The following TSHR variants were observed in gnomAD, a reference collection of about 807,000 sequenced individuals.
TSHR encodes the protein thyroid stimulating hormone receptor.
A neutral mutation model predicts 64.1 loss-of-function variants in TSHR; 51 were observed. The ratio of observed to expected loss-of-function variants is 0.80; its 90% CI spans 0.64 to 1.01. The LOEUF (loss-of-function observed/expected upper bound fraction) is 1.01, where lower values mean the gene tolerates loss of function less well. Ranked by LOEUF, TSHR falls within the 50% of genes least tolerant of loss-of-function variation. The pLI, the probability that TSHR is intolerant of heterozygous loss-of-function variation, is 0.00. For missense variants in TSHR, 877 were observed against 942.8 expected, an observed-to-expected ratio of 0.93 and a Z score of 0.91; for synonymous variants, 361 against 361.9, an observed-to-expected ratio of 1.00 and a Z score of 0.03.
chr14:81,132,878 T>C (rs550020738), intron 8 of TSHR, among the ~76,000 whole-genome samples: 5 of 152,208 alleles, frequency 3.3e-5, no homozygotes, highest in African/African-American at 1.2e-4. Context: ...TACTACATGT[T>C]GACAGGTTTA....
intron 1 of TSHR, among the ~76,000 whole-genome samples, chr14:80,965,057 CA>C (rs1887228672): frequency 6.6e-6 from 1 of 152,206 alleles, no homozygotes; most frequent in Non-Finnish European, 1.5e-5. Flanking sequence ...TTCTAGTGAG[CA>C]AAGGCAGCCC....
chr14:81,024,772 C>T (rs1325992775), intron 1 of TSHR, among the ~76,000 whole-genome samples: 2 of 152,150 alleles, frequency 1.3e-5, no homozygotes, highest in African/African-American at 2.4e-5. Flanking sequence ...TGGTAAACAT[C>T]AAGCAGTTCA....
intron 1 of TSHR, among the ~76,000 whole-genome samples, chr14:81,023,347 C>T (rs1038026560): frequency 2.6e-5 from 4 of 152,162 alleles, no homozygotes; most frequent in African/African-American, 9.6e-5. Context: ...CCACTGAGTC[C>T]CTCCCACAGC....
intron 3 of TSHR, among the ~76,000 whole-genome samples, chr14:81,073,740 A>C (rs1004237655): frequency 3.9e-5 from 6 of 152,204 alleles, no homozygotes; most frequent in Admixed American, 3.3e-4. Context: ...GTTAAAAATA[A>C]ATCATTTATG....
intron 3 of TSHR, among the ~76,000 whole-genome samples, chr14:81,070,996 C>T (rs1263374740): frequency 6.6e-6 from 1 of 152,076 alleles, no homozygotes; most frequent in African/African-American, 2.4e-5. Flanking sequence ...TATAAATGAA[C>T]CTTGACTGCA....
At chr14:81,033,869 G>A (rs1381376072) in intron 1 of TSHR, among the ~76,000 whole-genome samples, 1 of 152,188 alleles carries the variant, frequency 6.6e-6, no homozygotes, top group African/African-American at 2.4e-5. Context: ...GGTAGACAAA[G>A]GAAGGAATTC....
At chr14:81,058,374 T>C (rs976863424) in intron 1 of TSHR, among the ~76,000 whole-genome samples, 21 of 152,250 alleles carry the variant, frequency 1.4e-4, no homozygotes, top group African/African-American at 5.1e-4. Flanking sequence ...ACTCAGCTTA[T>C]ATCTTTTCTC....
intron 1 of TSHR, chr14:81,049,933 CTG>C (rs1885348145): frequency 1.3e-5 from 2 of 152,180 alleles, no homozygotes; most frequent in Admixed American, 6.5e-5. Context: ...CCATGCAGAA[CTG>C]TGAGTCAATT....
At chr14:81,059,519 G>T (rs1032606191) in intron 1 of TSHR, among the ~76,000 whole-genome samples, 1 of 152,092 alleles carries the variant, frequency 6.6e-6, no homozygotes, top group African/African-American at 2.4e-5. Flanking sequence ...ACAACTAGTT[G>T]TCATTCTAAT....
chr14:81,088,393 GA>G lies in TSHR; in HGVS notation c.392+373del, dbSNP rs888366164. 5.9e-5 allele frequency among the ~76,000 whole-genome samples: 9 copies of G among 151,920 alleles called. No individual in the cohort carries two copies. The South Asian group carries it at 1.7e-3, about 28-fold the overall frequency. On this transcript the variant is annotated intron_variant, in intron 4 of 9. Transcript: ENST00000298171. ...TATTATTAGAGTGGCTGTTACACAG[GA>G]AAAAAAACCCACAAAGAGTAAAATA...
chr14:81,118,549 A>G (rs1267665431), intron 8 of TSHR, among the ~76,000 whole-genome samples: 2 of 151,296 alleles, frequency 1.3e-5, no homozygotes, highest in African/African-American at 4.9e-5. Flanking sequence ...ATGGAAGAAC[A>G]TTCCATGCTC....
chr14:81,070,810 G>A (rs112544737), intron 3 of TSHR, among the ~76,000 whole-genome samples: 4,078 of 151,946 alleles, frequency 0.027, 214 homozygotes, highest in African/African-American at 0.091. Flanking sequence ...TTTAAAATTA[G>A]AAAAAGATAG....
intron 1 of TSHR, among the ~76,000 whole-genome samples, chr14:81,031,255 A>G (rs773953257): frequency 6.6e-6 from 1 of 152,220 alleles, no homozygotes; most frequent in Non-Finnish European, 1.5e-5. Context: ...TACTCTTGGC[A>G]TGAAATTATA....
chr14:81,008,306 G>T (rs1280125696), intron 1 of TSHR, among the ~76,000 whole-genome samples: 1 of 151,850 alleles, frequency 6.6e-6, no homozygotes, highest in African/African-American at 2.4e-5. Context: ...CCAATTAGCT[G>T]GGACTACAGG....
At chr14:81,037,179 G>T (rs1884669880) in intron 1 of TSHR, among the ~76,000 whole-genome samples, 1 of 151,780 alleles carries the variant, frequency 6.6e-6, no homozygotes, top group South Asian at 2.1e-4. Context: ...AAACAAATTT[G>T]GGAGGTAGAA....
intron 8 of TSHR, among the ~76,000 whole-genome samples, chr14:81,125,321 T>A (rs938289311): frequency 2.0e-5 from 3 of 152,042 alleles, no homozygotes; most frequent in Non-Finnish European, 2.9e-5. Flanking sequence ...GGAAAAAAAA[T>A]TACATAATTC....
intron 1 of TSHR, among the ~76,000 whole-genome samples, chr14:80,997,209 CAA>C (rs1159382478): frequency 6.6e-6 from 1 of 152,104 alleles, no homozygotes; most frequent in African/African-American, 2.4e-5. Context: ...TCTCTGATTC[CAA>C]AGCTCCATGC....
chr14:81,119,404 T>C (rs1223331046), intron 8 of TSHR, among the ~76,000 whole-genome samples: 6 of 140,262 alleles, frequency 4.3e-5, no homozygotes, highest in African/African-American at 1.7e-4. Flanking sequence ...AAGACATTTA[T>C]GCAGCCAAAA....
intron 1 of TSHR, among the ~76,000 whole-genome samples, chr14:81,015,810 C>G (rs1409201704): frequency 6.6e-6 from 1 of 152,100 alleles, no homozygotes; most frequent in Non-Finnish European, 1.5e-5. Context: ...CAGTAACCAT[C>G]ATTCTACTCT....
Sources: gnomAD v4.1 joint callset for allele counts (sites outside exome capture counted in the v4.1 genomes callset) on GRCh38, gnomAD v4.1.1 for gene constraint, MANE v1.5 for transcripts, NCBI Gene and HGNC (gene_info 2026-07-23, HGNC 2026-07-21) for gene names.